Variants in APAF1 observed in about 807,000 individuals in gnomAD.
APAF1 encodes apoptotic peptidase activating factor 1, also known as apoptotic protease-activating factor 1.
APAF1 carries 91 observed loss-of-function variants against 152.4 expected under a neutral mutation model. That is an observed-to-expected ratio of 0.60 (90% CI 0.50 to 0.71). APAF1 has a LOEUF of 0.71. APAF1 is among the 30% of genes least tolerant of loss of function. APAF1 has a pLI of 0.00. For missense variants in APAF1, 1,283 were observed against 1,472.0 expected (o/e 0.87, Z 2.10); for synonymous variants, 484 against 494.1 (o/e 0.98, Z 0.27).
intron 17 of APAF1, among the ~76,000 whole-genome samples, chr12:98,702,322 C>G (rs549978827): frequency 6.6e-5 from 10 of 151,964 alleles, no homozygotes; most frequent in African/African-American, 2.2e-4. Flanking sequence ...GCCTTGGCCT[C>G]GCAAAGTGCT....
At chr12:98,650,282 A>G (rs1017772032) in intron 4 of APAF1, among the ~76,000 whole-genome samples, 52 of 152,040 alleles carry the variant, frequency 3.4e-4, no homozygotes, top group African/African-American at 1.2e-3. Flanking sequence ...CAGGAGTTCA[A>G]GACCAGCCTG....
At chr12:98,722,534 T>C (rs974728067) in intron 22 of APAF1, among the ~76,000 whole-genome samples, 4 of 152,200 alleles carry the variant, frequency 2.6e-5, no homozygotes, top group African/African-American at 9.6e-5. Flanking sequence ...AAAAATAAAC[T>C]TCTGTGTACC....
At chr12:98,715,234 G>T (rs141477813) in intron 21 of APAF1, among the ~76,000 whole-genome samples, 193 bp from the exon 22 acceptor site, 6,393 of 57,288 alleles carry the variant, frequency 0.11, 287 homozygotes, top group South Asian at 0.23. Context: ...TACATGGTGT[G>T]CATATATATA....
At chr12:98,676,040 G>T (rs1216701724) in intron 12 of APAF1, among the ~76,000 whole-genome samples, 1 of 152,158 alleles carries the variant, frequency 6.6e-6, no homozygotes, top group African/African-American at 2.4e-5. Context: ...ATAAGTATTA[G>T]AAATGAGGTT....
intron 22 of APAF1, among the ~76,000 whole-genome samples, chr12:98,720,941 TG>T (rs1356275327): frequency 3.1e-4 from 47 of 151,828 alleles, no homozygotes; most frequent in Non-Finnish European, 5.9e-4. Context: ...CACTCCAGCC[TG>T]GGCGACAGAG....
intron 15 of APAF1, among the ~76,000 whole-genome samples, chr12:98,684,262 T>A (rs950856344): frequency 3.3e-5 from 5 of 152,152 alleles, no homozygotes; most frequent in Non-Finnish European, 7.4e-5. Flanking sequence ...TTTTATTTAT[T>A]TATTTATTTT....
chr12:98,649,088 T>C, intron 3 of APAF1: 2 of 441,922 alleles, frequency 4.5e-6, no homozygotes, highest in Non-Finnish European at 6.0e-6. Flanking sequence ...CCTTGTTTAT[T>C]TTCCAGTTCT....
intron 9 of APAF1, among the ~76,000 whole-genome samples, chr12:98,667,254 C>T (rs2097674166): frequency 6.6e-6 from 1 of 151,690 alleles, no homozygotes; most frequent in Non-Finnish European, 1.5e-5. Flanking sequence ...TGCCACCACA[C>T]CTGACTGATT....
In APAF1 at chr12:98,662,440, T is replaced by A. The variant is rs74552945; in HGVS notation, c.711-16T>A. On this transcript the variant is annotated splice_polypyrimidine_tract_variant and intron_variant, in intron 5 of 26. Transcript: ENST00000551964. ...GATAAGTGTCATTAGTGATTAATATTTTTTTTTTAAATTAGGTCTCTCTTG... is the reference window on the plus strand; with the variant it reads ...GATAAGTGTCATTAGTGATTAATATATTTTTTTTAAATTAGGTCTCTCTTG... The A allele has an allele frequency of 6.5e-5, 102 of 1,563,292 alleles. No individual in the cohort carries two copies. The highest frequency in any genetic ancestry group is 5.0e-4 in the African/African-American group (37 of 73,782).
chr12:98,676,577 G>A (rs1417430914), intron 12 of APAF1, among the ~76,000 whole-genome samples: 1 of 151,986 alleles, frequency 6.6e-6, no homozygotes, highest in Non-Finnish European at 1.5e-5. Context: ...ATATTCATTA[G>A]ATTGAGATAC....
chr12:98,656,901 A>G (rs931594531), intron 4 of APAF1, among the ~76,000 whole-genome samples: 4 of 152,138 alleles, frequency 2.6e-5, no homozygotes, highest in Non-Finnish European at 2.9e-5. Flanking sequence ...AACCTTTCCT[A>G]TTGATGTAAT....
In APAF1 at chr12:98,662,513, T is replaced by C. The variant is rs2097666853; in HGVS notation, c.768T>C (p.Ser256=). The change falls in exon 6 of 27, where the codon AGT becomes AGC. Residue 256 remains serine, a synonymous_variant. Transcript: ENST00000551964. Reference sequence around the variant, plus strand: ...CTTGGGTGTTGAAAGCTTTTGACAGTCAGTGTCAGATTCTTCTTACAACCA... The same window carrying C: ...CTTGGGTGTTGAAAGCTTTTGACAGCCAGTGTCAGATTCTTCTTACAACCA... ...WDSWVLKAFD[S]QCQILLTTRD... is the part of the protein sequence containing the mutation. The C allele has an allele frequency of 6.2e-7, 1 of 1,613,578 alleles. No individual in the cohort carries two copies. The highest frequency in any genetic ancestry group is 8.5e-7 in the Non-Finnish European group (1 of 1,179,780).
chr12:98,712,164 G>A (rs1339930424), intron 20 of APAF1, among the ~76,000 whole-genome samples, 155 bp from the exon 21 acceptor site: 1 of 152,198 alleles, frequency 6.6e-6, no homozygotes, highest in East Asian at 1.9e-4. Flanking sequence ...GCTAAATGCA[G>A]CTGCTAAGAC....
intron 16 of APAF1, among the ~76,000 whole-genome samples, chr12:98,697,096 T>C (rs2097710779): frequency 6.6e-6 from 1 of 152,236 alleles, no homozygotes; most frequent in Non-Finnish European, 1.5e-5. Context: ...GTTTTCTCAT[T>C]TTGTACTTTA....
rs1565865018 is a variant in APAF1, at chr12:98,667,591, A to ATGT, written c.1442_1444dup (p.Met481_Tyr482insLeu). 6 of 1,614,052 alleles carry ATGT rather than the reference A, an allele frequency of 3.7e-6. No homozygotes were observed. The highest frequency in any genetic ancestry group is 5.1e-6 in the Non-Finnish European group (6 of 1,179,966). On this transcript the variant is annotated inframe_insertion, in exon 10 of 27. Transcript: ENST00000551964. The stretch of plus-strand genomic sequence containing the variant: ...TCTTTCACCAGATCAGGAAGACTGT[A>ATGT]TGTATTGGTACAACTTTCTGGCCTA...
intron 11 of APAF1, 64 bp downstream of exon 11, chr12:98,671,150 C>A: frequency 9.8e-7 from 1 of 1,025,236 alleles, no homozygotes; most frequent in Non-Finnish European, 1.5e-6. Flanking sequence ...ACATTTAATT[C>A]TAGATTTAAT....
chr12:98,707,455 C>G (rs2097722637), intron 19 of APAF1, among the ~76,000 whole-genome samples: 1 of 152,082 alleles, frequency 6.6e-6, no homozygotes, highest in Non-Finnish European at 1.5e-5. Context: ...CCATCTAATT[C>G]TATGTCATTT....
At chr12:98,721,867 A>G (rs1038285615) in intron 22 of APAF1, among the ~76,000 whole-genome samples, 12 of 152,220 alleles carry the variant, frequency 7.9e-5, no homozygotes, top group Admixed American at 5.2e-4. Context: ...CTGATTAAAG[A>G]TATTTCTGCT....
chr12:98,694,018 C>CA (rs1169827695), intron 16 of APAF1, among the ~76,000 whole-genome samples: 1 of 152,028 alleles, frequency 6.6e-6, no homozygotes, highest in Non-Finnish European at 1.5e-5. Context: ...CCAACAAAAG[C>CA]AATGCGGGAG....
Sources: gnomAD v4.1 joint callset for allele counts (sites outside exome capture counted in the v4.1 genomes callset) on GRCh38, gnomAD v4.1.1 for gene constraint, MANE v1.5 for transcripts, NCBI Gene and HGNC (gene_info 2026-07-23, HGNC 2026-07-21) for gene names.